The following RYR1 variants were observed in gnomAD, a reference collection of about 807,000 sequenced individuals.
RYR1 encodes the protein ryanodine receptor 1.
In RYR1, 342 loss-of-function variants were observed where a neutral mutation model predicts 583.5. The ratio of observed to expected loss-of-function variants is 0.59; its 90% CI spans 0.54 to 0.64. The LOEUF (loss-of-function observed/expected upper bound fraction) is 0.64, where lower values mean the gene tolerates loss of function less well. RYR1 is among the 30% of genes least tolerant of loss of function. The pLI, the probability that RYR1 is intolerant of heterozygous loss-of-function variation, is 0.00. For synonymous variants in RYR1, 2,791 were observed against 2,822.5 expected (o/e 0.99, Z 0.35); for missense variants, 6,032 against 6,917.2 (o/e 0.87, Z 4.54).
chr19:38,573,617 A>T (rs1230639816), intron 96 of RYR1, among the ~76,000 whole-genome samples: 2 of 151,432 alleles, frequency 1.3e-5, no homozygotes, highest in African/African-American at 4.9e-5. Context: ...GATGTGGAGG[A>T]TGCAGTGAGC....
intron 91 of RYR1, 152 bp from the exon 92 acceptor site, chr19:38,566,759 G>A (rs1258597869): frequency 2.6e-5 from 37 of 1,441,460 alleles, no homozygotes; most frequent in South Asian, 1.2e-5. Flanking sequence ...TCTGTAAAAC[G>A]GGAATCATAA....
At chr19:38,570,566 T>A (rs1973669344) in intron 93 of RYR1, 41 bp from the exon 94 acceptor site, 1 of 1,494,692 alleles carries the variant, frequency 6.7e-7, no homozygotes, top group Non-Finnish European at 9.3e-7. Flanking sequence ...GGGAAGAGGC[T>A]GATCTGTGAG....
Position 38,446,476 on chromosome 19 carries a change from C to T in RYR1, c.636C>T (p.Phe212=), listed in dbSNP as rs781279190. Residue 212 remains phenylalanine (F), a synonymous_variant, in exon 8 of 106, where the codon TTC becomes TTT. Transcript: ENST00000359596. ...NPICSRCEEG[F]VTGGHVLRLF... Reference sequence around the variant, plus strand: ...ACTTCCCTTGCTCCTCTCCAGGCTTCGTGACGGGAGGTCACGTCCTCCGCC... The same window carrying T: ...ACTTCCCTTGCTCCTCTCCAGGCTTTGTGACGGGAGGTCACGTCCTCCGCC... The T allele has an allele frequency of 1.5e-5, 24 of 1,613,484 alleles. 2 individuals are homozygous for T. The highest frequency in any genetic ancestry group is 1.1e-4 in the South Asian group (10 of 91,072).
In RYR1 at chr19:38,529,056, A is replaced by T; in HGVS notation, c.11140A>T (p.Ser3714Cys). Residue 3714 changes from serine to cysteine, a missense_variant and splice_region_variant, in exon 76 of 106, where the codon AGC (serine) becomes TGC (cysteine). Ser to Cys is a moderately radical substitution (Grantham distance 112, BLOSUM62 -1). Transcript: ENST00000359596. ...HFSRTALTEKSKLDEDYLYMA... is the reference protein window; with the variant it reads ...HFSRTALTEKCKLDEDYLYMA... ...CAGCCGCACTGCCCTGACGGAAAAG[A>T]GGTGAAGACTCTTGCCAGGGCCCCA... 2 of 1,613,578 alleles carry T rather than the reference A, an allele frequency of 1.2e-6. No individual in the cohort carries two copies. Among genetic ancestry groups the T allele is most frequent in the Non-Finnish European group, 1.7e-6 (2 of 1,179,968 alleles).
At position 38,528,053 on chromosome 19, in the gene RYR1, G is replaced by A. The variant is rs1210455968; in HGVS notation, c.10825-253G>A. 4.8e-6 allele frequency: 3 copies of A among 622,496 alleles called. No individual in the cohort carries two copies. In the South Asian group the frequency reaches 5.7e-5, roughly 12 times the overall value. The allele number at this position is 622,496 out of a possible 1,614,324, so 38.6% of individuals were successfully genotyped here. A position where few individuals can be genotyped will look rare whatever the true frequency, so the allele number is the denominator to read the frequency against. ...GAGATGCGTTGAGTTTGTGGGCAGG[G>A]CCTTGGGTGGGTCGTAGAATTGGTC... On this transcript the variant is annotated intron_variant, in intron 73 of 105. Transcript: ENST00000359596.
chr19:38,537,763 C>T (rs1972036772), intron 83 of RYR1, 117 bp from the exon 84 acceptor site: 9 of 994,424 alleles, frequency 9.1e-6, no homozygotes, highest in South Asian at 1.3e-5. Context: ...AGCTGCTCCT[C>T]CCAGCACCCC....
rs150566334 is a variant in RYR1, at chr19:38,549,875, T to TTGTGTGTG, written c.12282+1499_12282+1506dup. The stretch of plus-strand genomic sequence containing the variant: ...CACGCACCACCATGCCCAGCTAAAT[T>TTGTGTGTG]TGTGTGTGTGTGTGTGTGTGTGTGT... On this transcript the variant is annotated intron_variant, in intron 89 of 105. Coordinates refer to ENST00000359596, the MANE Select transcript of RYR1 (RefSeq NM_000540.3). Among the ~76,000 whole-genome samples the TTGTGTGTG allele has an allele frequency of 7.8e-3, 948 of 122,228 alleles. 6 individuals carry two copies. Among genetic ancestry groups the TTGTGTGTG allele is most frequent in the Middle Eastern group, 0.017 (4 of 240 alleles). The allele number at this position is 122,228 out of a possible 152,430, so 80.2% of individuals were successfully genotyped here.
Position 38,512,100 on chromosome 19 carries a change from T to C in RYR1, c.9201T>C (p.Cys3067=). 1 of 1,614,168 alleles carries C rather than the reference T, an allele frequency of 6.2e-7. No homozygotes were observed. The highest frequency in any genetic ancestry group is 8.5e-7 in the Non-Finnish European group (1 of 1,180,018). Residue 3067 remains cysteine (C), a synonymous_variant, in exon 62 of 106, where the codon TGT becomes TGC. Coordinates refer to ENST00000359596, the MANE Select transcript of RYR1 (RefSeq NM_000540.3). This position sits in a 1 kb window ranked among gnomAD's most constrained non-coding sequence, Gnocchi z 5.1. ...CAGACGCCCCAGCTGTGGTCAACTGTCTTCACATCCTGGCCCGCTCCCTGG... is the reference window on the plus strand; with the variant it reads ...CAGACGCCCCAGCTGTGGTCAACTGCCTTCACATCCTGGCCCGCTCCCTGG... ...FGTDAPAVVN[C]LHILARSLDA...
At chr19:38,505,125 A>C in intron 52 of RYR1, 44 bp downstream of exon 52, 1 of 1,567,080 alleles carries the variant, frequency 6.4e-7, no homozygotes, top group Non-Finnish European at 8.8e-7. Context: ...TCAAGACCCC[A>C]GCTTTCCCCC....
At chr19:38,464,791 G>A (rs1968006267) in intron 23 of RYR1, 69 bp downstream of exon 23, 2 of 1,405,492 alleles carry the variant, frequency 1.4e-6, no homozygotes, top group South Asian at 1.2e-5. Context: ...TAAGGGCTGG[G>A]GAGGTCGAGG....
intron 28 of RYR1, among the ~76,000 whole-genome samples, chr19:38,474,831 G>C (rs746777689): frequency 6.6e-6 from 1 of 151,882 alleles, no homozygotes; most frequent in Non-Finnish European, 1.5e-5. Flanking sequence ...CGATGGCAGA[G>C]GTTTTCAATG....
At chr19:38,471,148 G>C (rs1417284770) in intron 27 of RYR1, among the ~76,000 whole-genome samples, 1 of 152,222 alleles carries the variant, frequency 6.6e-6, no homozygotes, top group East Asian at 1.9e-4. Context: ...TGGGAAATTG[G>C]TTACTATGAA....
rs1969861219 is a variant in RYR1, at chr19:38,496,948, G to C, written c.6885G>C (p.Leu2295=). ...CCTTGGCATTGCAGGAGCAGGACCT[G>C]GAAAAGGTGTGGAGGGCAGGGCTGG... ...ELALALQEQD[L]EKVVSYLAGC... Residue 2295 remains leucine, a synonymous_variant, in exon 42 of 106, where the codon CTG becomes CTC. Transcript: ENST00000359596. This position sits in a 1 kb window ranked among gnomAD's most constrained non-coding sequence, Gnocchi z 4.8. 2 of 1,613,368 alleles carry C rather than the reference G, an allele frequency of 1.2e-6. No homozygotes were observed. Among genetic ancestry groups the C allele is most frequent in the Non-Finnish European group, 1.7e-6 (2 of 1,179,820 alleles).
Position 38,477,680 on chromosome 19 carries a change from G to T in RYR1, c.4294-30G>T. The T allele has an allele frequency of 1.9e-6, 3 of 1,613,916 alleles. No homozygotes were observed. In the South Asian group the frequency reaches 3.3e-5, roughly 18 times the overall value. On this transcript the variant is annotated intron_variant, in intron 29 of 105. Transcript: ENST00000359596. ...AGCCCGAGTCCCTGACTTCCAGACT[G>T]ACCACTAGTTCCCCTCCTTGTGTCA... is the stretch of plus-strand genomic sequence containing the variant.
Position 38,512,521 on chromosome 19 carries a change from C to A in RYR1, c.9472+38C>A. 1 of 1,581,322 alleles carries A rather than the reference C, an allele frequency of 6.3e-7. No homozygotes were observed. Among genetic ancestry groups the A allele is most frequent in the South Asian group, 1.1e-5 (1 of 90,614 alleles). ...GACCCAAGGGCAGGTTGCGGGGAGT[C>A]AGTGTGGCCAACACCACCCATCCGG... On this transcript the variant is annotated intron_variant, in intron 63 of 105. Transcript: ENST00000359596. This position sits in a 1 kb window ranked among gnomAD's most constrained non-coding sequence, Gnocchi z 5.1.
chr19:38,492,623 G>C lies in RYR1; in HGVS notation c.6261G>C (p.Glu2087Asp), dbSNP rs376623643. Residue 2087 changes from glutamate (E) to aspartate (D), a missense_variant, in exon 38 of 106, where the codon GAG (glutamate) becomes GAC (aspartate). Physicochemically the swap from Glu to Asp is conservative, Grantham distance 45 (BLOSUM62 2). Transcript: ENST00000359596. ...EEKPEEERSA[E>D]ESKPRSLQEL... ...AACCTGAGGAGGAGCGGTCAGCAGA[G>C]GAGAGCAAACCCCGTGAGGACTGGG... The C allele has an allele frequency of 1.5e-5, 24 of 1,612,322 alleles. No homozygotes were observed. The highest frequency in any genetic ancestry group is 2.0e-5 in the Non-Finnish European group (23 of 1,179,426).
In RYR1 at chr19:38,451,811, C is replaced by T. The variant is rs896024659; in HGVS notation, c.1170C>T (p.Thr390=). Residue 390 remains threonine (T), a synonymous_variant, in exon 12 of 106, where the codon ACC becomes ACT. Coordinates refer to ENST00000359596, the MANE Select transcript of RYR1 (RefSeq NM_000540.3). ...EGHMDDALSL[T]RCQQEESQAA... ...ACATGGACGACGCACTGTCGCTGAC[C>T]CGCTGCCAGCAGGAGGAGTCCCAGG... 6.2e-7 allele frequency: 1 copy of T among 1,614,120 alleles called. No individual in the cohort carries two copies. The highest frequency in any genetic ancestry group is 8.5e-7 in the Non-Finnish European group (1 of 1,180,020).
intron 82 of RYR1, 117 bp from the exon 83 acceptor site, chr19:38,536,633 C>CTG (rs141905187): frequency 9.2e-6 from 11 of 1,197,428 alleles, no homozygotes; most frequent in Non-Finnish European, 1.2e-5. Flanking sequence ...TCCTCTCTCT[C>CTG]TGTGTGTCTT....
intron 69 of RYR1, 195 bp downstream of exon 69, chr19:38,523,504 C>CCTCT (rs1302036038): frequency 1.5e-6 from 1 of 645,516 alleles, no homozygotes; most frequent in Non-Finnish European, 2.8e-6. Context: ...TCTCCCTCCT[C>CCTCT]CCATCTCCCT....
Sources: gnomAD v4.1 joint callset for allele counts (sites outside exome capture counted in the v4.1 genomes callset) on GRCh38, gnomAD v4.1.1 for gene constraint, Gnocchi (gnomAD v3.1) non-coding constraint, MANE v1.5 for transcripts, NCBI Gene and HGNC (gene_info 2026-07-23, HGNC 2026-07-21) for gene names.